FANCD2: variants seen among roughly 807,000 people sequenced by gnomAD.
FANCD2 encodes Fanconi anemia group D2 protein.
Under a neutral mutation model 192.3 loss-of-function variants are expected in FANCD2, and 131 were observed. The observed-to-expected ratio is 0.68, with a 90% CI of 0.59 to 0.79. The LOEUF (loss-of-function observed/expected upper bound fraction) is 0.79. Ranked by LOEUF, FANCD2 falls within the 30% of genes least tolerant of loss-of-function variation. The pLI, the probability that FANCD2 is intolerant of heterozygous loss-of-function variation, is 0.00. For missense variants in FANCD2, 1,508 were observed against 1,701.6 expected, an observed-to-expected ratio of 0.89 and a Z score of 2.00; for synonymous variants, 524 against 612.5, an observed-to-expected ratio of 0.86 and a Z score of 2.13.
Position 10,042,614 on chromosome 3 carries a change from T to G in FANCD2, c.839T>G (p.Val280Gly), listed in dbSNP as rs760981756. The G allele has an allele frequency of 6.2e-7, 1 of 1,614,096 alleles. No individual in the cohort carries two copies. The highest frequency in any genetic ancestry group is 8.5e-7 in the Non-Finnish European group (1 of 1,179,978). ...LSSIRLEDLPVIIKFILHSVT... is the reference protein window; with the variant it reads ...LSSIRLEDLPGIIKFILHSVT... ...TCTATTAGATTGGAGGATTTACCTGTGATAATAAAGTTCATTCTTCATTCC... is the reference window on the plus strand; with the variant it reads ...TCTATTAGATTGGAGGATTTACCTGGGATAATAAAGTTCATTCTTCATTCC... The change falls in exon 11 of 44, where the codon GTG becomes GGG. Residue 280 changes from valine (V) to glycine (G), a missense_variant. Transcript: ENST00000675286.
At chr3:10,050,260 G>A (rs1448850323) in intron 17 of FANCD2, among the ~76,000 whole-genome samples, 2 of 152,110 alleles carry the variant, frequency 1.3e-5, no homozygotes, top group African/African-American at 2.4e-5. Flanking sequence ...TTTTGGTCAC[G>A]GGAATGTAGA....
rs1207903417 is a variant in FANCD2, at chr3:10,074,668, A to G, written c.2854A>G (p.Thr952Ala). The G allele has an allele frequency of 1.2e-6, 2 of 1,613,752 alleles. No individual in the cohort carries two copies. Among genetic ancestry groups the G allele is most frequent in the Non-Finnish European group, 1.7e-6 (2 of 1,179,816 alleles). ...GTTCATCTTAGATACTGAAATGCAC[A>G]CTGAAGTAAGTGACAGGCTAGGATC... ...TKFILDTEMH[T>A]EATEVVQLGP... Residue 952 changes from threonine (T) to alanine (A), a missense_variant, in exon 29 of 44, where the codon ACT (threonine) becomes GCT (alanine). Transcript: ENST00000675286.
intron 15 of FANCD2, 30 bp downstream of exon 15, chr3:10,046,753 C>T (rs1373719792): frequency 1.3e-6 from 2 of 1,506,320 alleles, no homozygotes; most frequent in East Asian, 2.3e-5. Context: ...GATTTTTAAT[C>T]TAAAACAGAA....
chr3:10,059,371 G>A (rs1575782424), intron 18 of FANCD2, among the ~76,000 whole-genome samples: 2 of 152,198 alleles, frequency 1.3e-5, no homozygotes, highest in African/African-American at 4.8e-5. Flanking sequence ...TATTTTGGCT[G>A]AGCAGTGATC....
intron 17 of FANCD2, among the ~76,000 whole-genome samples, chr3:10,050,324 CTG>C (rs1478526084): frequency 6.6e-6 from 1 of 152,160 alleles, no homozygotes; most frequent in East Asian, 1.9e-4. Flanking sequence ...GACTTGGTGA[CTG>C]TTAAGAATAT....
At chr3:10,048,299 A>G (rs1450061452) in intron 16 of FANCD2, among the ~76,000 whole-genome samples, 3 of 152,140 alleles carry the variant, frequency 2.0e-5, no homozygotes, top group Admixed American at 6.6e-5. Context: ...AAAACATGAG[A>G]CACTTTTTTT....
intron 2 of FANCD2, among the ~76,000 whole-genome samples, chr3:10,031,318 A>G (rs1027176554): frequency 2.0e-5 from 3 of 152,082 alleles, no homozygotes; most frequent in East Asian, 1.9e-4. Context: ...CTTGGCTAAC[A>G]TGGTGAAACC....
At chr3:10,062,707 TTA>T (rs1392538361) in intron 20 of FANCD2, among the ~76,000 whole-genome samples, 1 of 152,104 alleles carries the variant, frequency 6.6e-6, no homozygotes, top group South Asian at 2.1e-4. Flanking sequence ...GCATTTATTT[TTA>T]TGTTTATTTA....
intron 43 of FANCD2, among the ~76,000 whole-genome samples, chr3:10,100,045 A>C (rs1474619756): frequency 6.6e-6 from 1 of 151,770 alleles, no homozygotes; most frequent in Non-Finnish European, 1.5e-5. Context: ...TGAGCTAGCC[A>C]GGCATGGTGA....
At chr3:10,041,389 G>A (rs1304724988) in intron 9 of FANCD2, 1 of 443,228 alleles carries the variant, frequency 2.3e-6, no homozygotes, top group Admixed American at 3.5e-5. Context: ...GGGTAGTGGG[G>A]ATTGTGATGG....
At chr3:10,042,145 C>G (rs1051602542) in intron 10 of FANCD2, among the ~76,000 whole-genome samples, 5 of 152,152 alleles carry the variant, frequency 3.3e-5, no homozygotes, top group Admixed American at 1.3e-4. Flanking sequence ...TTCCACCCCC[C>G]TCGGCCTCCC....
At chr3:10,051,693 G>A (rs1469728515) in intron 17 of FANCD2, among the ~76,000 whole-genome samples, 1 of 152,160 alleles carries the variant, frequency 6.6e-6, no homozygotes, top group African/African-American at 2.4e-5. Flanking sequence ...TTGCTTGTAG[G>A]CTGAGAGAAA....
At chr3:10,082,756 C>G (rs144365161) in intron 32 of FANCD2, among the ~76,000 whole-genome samples, 1 of 152,136 alleles carries the variant, frequency 6.6e-6, no homozygotes, top group Admixed American at 6.6e-5. Flanking sequence ...CTCTGGTATC[C>G]GTTCGTGATA....
rs1694257846 is a variant in FANCD2, at chr3:10,087,171, A to C, written c.3373A>C (p.Ile1125Leu). The C allele has an allele frequency of 1.2e-6, 2 of 1,613,926 alleles. No individual in the cohort carries two copies. The highest frequency in any genetic ancestry group is 1.7e-6 in the Non-Finnish European group (2 of 1,179,956). The part of the protein sequence containing the change: ...VHYLQNFHQS[I>L]PSFQCALYLI... ...TTACTTGCAGAATTTCCATCAAAGC[A>C]TTCCCAGTTTCCAGTGTGCTCTTTA... Residue 1125 changes from isoleucine to leucine, a missense_variant, in exon 34 of 44, where the codon ATT (isoleucine) becomes CTT (leucine). This residue lies in a region of FANCD2 where 796 missense variants were observed against 879.4 expected (regional missense o/e 0.91). Coordinates refer to ENST00000675286, the MANE Select transcript of FANCD2 (RefSeq NM_001018115.3).
At chr3:10,088,786 A>G (rs764399250) in intron 35 of FANCD2, 42 bp from the exon 36 acceptor site, 9 of 1,607,700 alleles carry the variant, frequency 5.6e-6, no homozygotes, top group South Asian at 2.2e-5. Context: ...GTTGTATTCT[A>G]CTTTGTTAAT....
chr3:10,027,258 G>C (rs1463706318), intron 1 of FANCD2, among the ~76,000 whole-genome samples: 1 of 152,168 alleles, frequency 6.6e-6, no homozygotes, highest in South Asian at 2.1e-4. Context: ...GGGCCCCTAG[G>C]TATACCCTGT....
At chr3:10,099,078 A>C (rs1309263502) in intron 43 of FANCD2, 2 of 1,548,018 alleles carry the variant, frequency 1.3e-6, no homozygotes, top group Non-Finnish European at 1.7e-6. Flanking sequence ...ATAGCCTCTC[A>C]TTTTCCATGA....
At position 10,060,333 on chromosome 3, in the gene FANCD2, A is replaced by G. The variant is rs1178418431; in HGVS notation, c.1696A>G (p.Thr566Ala). 2.5e-6 allele frequency: 4 copies of G among 1,613,068 alleles called. No homozygotes were observed. Among genetic ancestry groups the G allele is most frequent in the Non-Finnish European group, 1.7e-6 (2 of 1,180,000 alleles). Residue 566 changes from threonine to alanine, a missense_variant, in exon 19 of 44, where the codon ACC becomes GCC. Physicochemically the swap from Thr to Ala is moderately conservative, Grantham distance 58 (BLOSUM62 0). This residue lies in a region of FANCD2 where 110 missense variants were observed against 114.4 expected (regional missense o/e 0.96). Transcript: ENST00000675286. Reference sequence around the variant, plus strand: ...GGTGATAAGAAAGCAGCTCTCTAGCACCGTATTCAAGTACAAGCTCATTGG... The same window carrying G: ...GGTGATAAGAAAGCAGCTCTCTAGCGCCGTATTCAAGTACAAGCTCATTGG... ...HLVIRKQLSS[T>A]VFKYKLIGII...
intron 7 of FANCD2, chr3:10,037,745 G>A (rs1575739323): frequency 6.6e-6 from 1 of 152,140 alleles, no homozygotes; most frequent in East Asian, 1.9e-4. Flanking sequence ...ATTGTAAAAA[G>A]AATTAGTTAA....
Sources: gnomAD v4.1 joint callset for allele counts (sites outside exome capture counted in the v4.1 genomes callset) on GRCh38, gnomAD v4.1.1 for gene constraint, gnomAD v4.1.1 regional missense constraint, MANE v1.5 for transcripts, NCBI Gene and HGNC (gene_info 2026-07-23, HGNC 2026-07-21) for gene names.